DYNC2I2: variants seen among roughly 807,000 people sequenced by gnomAD.
The protein encoded by DYNC2I2 is dynein 2 intermediate chain 2, also known as cytoplasmic dynein 2 intermediate chain 2.
Under a neutral mutation model 52.0 loss-of-function variants are expected in DYNC2I2, and 39 were observed. The observed-to-expected ratio is 0.75, with a 90% CI of 0.58 to 0.98. The LOEUF (loss-of-function observed/expected upper bound fraction) is 0.98, where lower values mean the gene tolerates loss of function less well. Ranked by LOEUF, DYNC2I2 falls within the 50% of genes least tolerant of loss-of-function variation. The pLI is 0.00. For missense variants in DYNC2I2, 743 were observed against 728.4 expected (o/e 1.02, Z -0.23); for synonymous variants, 359 against 321.1 (o/e 1.12, Z -1.26).
Position 128,636,313 on chromosome 9 carries a change from G to C in DYNC2I2, c.671C>G (p.Ala224Gly), listed in dbSNP as rs762547471. Residue 224 changes from alanine (A) to glycine (G), a missense_variant, in exon 4 of 9, where the codon GCC becomes GGC. Ala to Gly is a moderately conservative substitution (Grantham distance 60, BLOSUM62 0). Coordinates refer to ENST00000372715, the MANE Select transcript of DYNC2I2 (RefSeq NM_052844.4). ...GTGGGAGGGCTGCGTGGGGTGGAAG[G>C]CCAGACACAGGACAGCGCTGGGGAC... is the stretch of plus-strand genomic sequence containing the variant. ...VEVPSAVLCL[A>G]FHPTQPSHVA... is the part of the protein sequence containing the mutation. 1.4e-5 allele frequency: 22 copies of C among 1,588,422 alleles called. No individual in the cohort carries two copies. The highest frequency in any genetic ancestry group is 3.6e-5 in the Admixed American group (2 of 55,910).
At chr9:128,666,383 G>GAA in the DYNC2I2 span, among the ~76,000 whole-genome samples, 13 of 46,694 alleles carry the variant, frequency 2.8e-4, no homozygotes, top group Admixed American at 4.7e-4. Context: ...CCCTGTCTCA[G>GAA]AAAAAAAAAA....
intron 1 of DYNC2I2, among the ~76,000 whole-genome samples, chr9:128,643,114 G>A (rs1046353406): frequency 2.6e-5 from 4 of 152,216 alleles, no homozygotes; most frequent in Non-Finnish European, 5.9e-5. Flanking sequence ...CCTGAGCGCC[G>A]TGGCTCACGC....
chr9:128,657,034 A>C (rs192698681), upstream of DYNC2I2, among the ~76,000 whole-genome samples: 7 of 152,222 alleles, frequency 4.6e-5, no homozygotes, highest in Non-Finnish European at 1.0e-4. Context: ...AGCCAAGCGC[A>C]GAAGCGAAGA....
chr9:128,675,593 T>G, the DYNC2I2 span, among the ~76,000 whole-genome samples: 3 of 152,202 alleles, frequency 2.0e-5, no homozygotes, highest in Admixed American at 2.0e-4. Context: ...CAGCGCCACA[T>G]GTAGGTCCAG....
Position 128,634,260 on chromosome 9 carries a change from CA to C in DYNC2I2, c.1337del (p.Val446GlyfsTer30). On this transcript the variant is annotated frameshift_variant, in exon 8 of 9. Transcript: ENST00000372715. LOFTEE classifies it high-confidence loss of function. ...KYLFAVRWSP[V>X]RPLVFAAASG... is the part of the protein sequence containing the mutation. The stretch of plus-strand genomic sequence containing the variant: ...AGGCAGCTGCAAAAACCAAGGGCCG[CA>C]CTGGGGACCAGCGCACAGCAAACAG... 1 of 1,613,878 alleles carries C rather than the reference CA, an allele frequency of 6.2e-7. No individual in the cohort carries two copies. The highest frequency in any genetic ancestry group is 2.2e-5 in the East Asian group (1 of 44,882).
In DYNC2I2 at chr9:128,634,795, C is replaced by A. The variant is rs1860343480; in HGVS notation, c.1108G>T (p.Ala370Ser). ...LKCSLAAGEA[A>S]LTRMPSSVPL... Reference sequence around the variant, plus strand: ...ACGGAGCTGGGCATCCGCGTGAGGGCTGCCTCTCCAGCTGCCAGGGAACAC... The same window carrying A: ...ACGGAGCTGGGCATCCGCGTGAGGGATGCCTCTCCAGCTGCCAGGGAACAC... The change falls in exon 7 of 9, where the codon GCC becomes TCC. Residue 370 changes from alanine to serine, a missense_variant. Ala to Ser is a moderately conservative substitution (Grantham distance 99). Transcript: ENST00000372715. 1 of 1,612,224 alleles carries A rather than the reference C, an allele frequency of 6.2e-7. No individual in the cohort carries two copies. The highest frequency in any genetic ancestry group is 1.3e-5 in the African/African-American group (1 of 74,928).
At chr9:128,660,251 G>A (rs887175776), upstream of DYNC2I2, among the ~76,000 whole-genome samples, 1 of 150,110 alleles carries the variant, frequency 6.7e-6, no homozygotes, top group Non-Finnish European at 1.5e-5. Flanking sequence ...TGGGACTACA[G>A]GCGCCCGCCA....
chr9:128,638,515 C>CAA (rs34556335), intron 2 of DYNC2I2, among the ~76,000 whole-genome samples: 30 of 135,514 alleles, frequency 2.2e-4, no homozygotes, highest in African/African-American at 8.2e-4. Context: ...GACTCCATCT[C>CAA]AAAAAAAAAA....
chr9:128,635,126 A>G lies in DYNC2I2; in HGVS notation c.947T>C (p.Met316Thr). 1 of 1,613,234 alleles carries G rather than the reference A, an allele frequency of 6.2e-7. No individual in the cohort carries two copies. Among genetic ancestry groups the G allele is most frequent in the East Asian group, 2.2e-5 (1 of 44,872 alleles). ...CTTGGTGCTCCGTGGCAGCTGCTGC[A>G]TGACCAGGGCGAAGCCCTCTGTGAG... The part of the protein sequence containing the change: ...LQLTEGFALV[M>T]QQLPRSTKLK... Residue 316 changes from methionine (M) to threonine (T), a missense_variant, in exon 6 of 9, where the codon ATG becomes ACG. Transcript: ENST00000372715.
At position 128,635,756 on chromosome 9, in the gene DYNC2I2, T is replaced by C; in HGVS notation, c.715A>G (p.Ser239Gly). The C allele has an allele frequency of 6.2e-7, 1 of 1,612,492 alleles. No homozygotes were observed. The highest frequency in any genetic ancestry group is 8.5e-7 in the Non-Finnish European group (1 of 1,179,342). The change falls in exon 5 of 9, where the codon AGT becomes GGT. Residue 239 changes from serine (S) to glycine (G), a missense_variant. Transcript: ENST00000372715. Reference sequence around the variant, plus strand: ...AGGTCCCACACCAACACCTCACCACTGTACAGCCCTCCTGCAGGGACAGTG... The same window carrying C: ...AGGTCCCACACCAACACCTCACCACCGTACAGCCCTCCTGCAGGGACAGTG... ...QPSHVAGGLY[S>G]GEVLVWDLSR... is the part of the protein sequence containing the mutation.
At chr9:128,668,524 T>TAAAAAA in the DYNC2I2 span, among the ~76,000 whole-genome samples, 3 of 123,342 alleles carry the variant, frequency 2.4e-5, no homozygotes, top group African/African-American at 9.0e-5. Context: ...GAGACCATTC[T>TAAAAAA]AAAAAAAAAA....
chr9:128,664,026 T>C, the DYNC2I2 span, among the ~76,000 whole-genome samples: 4 of 150,618 alleles, frequency 2.7e-5, no homozygotes, highest in East Asian at 7.8e-4. Context: ...GGCGTGGTCT[T>C]GGCTCACCGC....
the DYNC2I2 span, chr9:128,683,851 C>A: frequency 4.0e-6 from 6 of 1,485,426 alleles, no homozygotes; most frequent in African/African-American, 7.0e-5. Context: ...TGCTTCCGGA[C>A]GGGCGAGGAG....
At chr9:128,634,650 C>T in intron 7 of DYNC2I2, 39 bp downstream of exon 7, 2 of 1,482,484 alleles carry the variant, frequency 1.3e-6, no homozygotes, top group Non-Finnish European at 1.8e-6. Context: ...AGGGCAGGGA[C>T]ACCCTGGCCC....
At chr9:128,659,096 C>T (rs371654436), upstream of DYNC2I2, among the ~76,000 whole-genome samples, 8 of 151,984 alleles carry the variant, frequency 5.3e-5, no homozygotes, top group East Asian at 1.4e-3. Context: ...CTGTACCCAC[C>T]CTCTCTCCAC....
intron 1 of DYNC2I2, among the ~76,000 whole-genome samples, chr9:128,643,692 AGAC>A (rs1860560635): frequency 6.6e-6 from 1 of 152,172 alleles, no homozygotes; most frequent in Admixed American, 6.6e-5. Context: ...GTAAAGCCCA[AGAC>A]GACGTGTTGG....
At chr9:128,658,319 C>T (rs1481966347), upstream of DYNC2I2, among the ~76,000 whole-genome samples, 6 of 151,886 alleles carry the variant, frequency 4.0e-5, no homozygotes, top group Admixed American at 1.3e-4. Flanking sequence ...GCACATGCCA[C>T]CACACTGGGC....
At chr9:128,677,041 G>T in the DYNC2I2 span, among the ~76,000 whole-genome samples, 7 of 151,170 alleles carry the variant, frequency 4.6e-5, no homozygotes, top group East Asian at 1.4e-3. Context: ...GTAGAGATGG[G>T]GTTTCACCGT....
chr9:128,678,525 A>C, the DYNC2I2 span, among the ~76,000 whole-genome samples: 15 of 120,190 alleles, frequency 1.2e-4, no homozygotes, highest in Non-Finnish European at 2.4e-4. Context: ...GCAGTGGTGC[A>C]ATCTTGGCTC....
Sources: allele counts gnomAD v4.1 joint callset (sites outside exome capture counted in the v4.1 genomes callset), GRCh38; gene constraint gnomAD v4.1.1; transcripts MANE v1.5; gene names NCBI Gene and HGNC (gene_info 2026-07-23, HGNC 2026-07-21).